The following PCDH9 variants were observed in gnomAD, a reference collection of about 807,000 sequenced individuals.
PCDH9 encodes protocadherin-9.
Under a neutral mutation model 70.6 loss-of-function variants are expected in PCDH9, and 24 were observed. That is an observed-to-expected ratio of 0.34 (90% confidence interval 0.25 to 0.48). PCDH9 has a LOEUF of 0.48. PCDH9 is among the 20% of genes least tolerant of loss of function. The probability of loss-of-function intolerance (pLI) is 0.99; values close to 1 mark genes in which losing one functional copy is unlikely to be tolerated. For synonymous variants in PCDH9, 562 were observed against 558.5 expected (o/e 1.01, Z -0.09); for missense variants, 1,281 against 1,503.6 (o/e 0.85, Z 2.45).
At chr13:66,762,381 C>G (rs967539507) in intron 3 of PCDH9, among the ~76,000 whole-genome samples, 7 of 152,084 alleles carry the variant, frequency 4.6e-5, no homozygotes, top group African/African-American at 1.7e-4. Flanking sequence ...ATTCAGAGTC[C>G]ATAGGTGTCT....
intron 2 of PCDH9, among the ~76,000 whole-genome samples, chr13:67,036,347 T>C (rs1338496655): frequency 2.0e-5 from 3 of 152,162 alleles, no homozygotes; most frequent in Non-Finnish European, 4.4e-5. Context: ...CAAATCTCTA[T>C]TCCTACATAA....
At chr13:66,962,433 T>C (rs190083150) in intron 2 of PCDH9, among the ~76,000 whole-genome samples, 1 of 152,244 alleles carries the variant, frequency 6.6e-6, no homozygotes, top group African/African-American at 2.4e-5. Flanking sequence ...TGATTAGAAC[T>C]GAGAAATGTG....
rs149858959 is a variant in PCDH9, at chr13:66,699,592, G to A, written c.3139-68181C>T. Among the ~76,000 whole-genome samples, 360 of 152,186 alleles carry A rather than the reference G, an allele frequency of 2.4e-3. 1 individual carries two copies. The highest frequency in any genetic ancestry group is 4.2e-3 in the Non-Finnish European group (287 of 67,994). ...GTGATGCCACCACAATCCAAGAAAC[G>A]CCATGGTTGGCCACAGCCACCAGAA... On this transcript the variant is annotated intron_variant, in intron 3 of 4. Transcript: ENST00000377865.
intron 4 of PCDH9, among the ~76,000 whole-genome samples, chr13:66,588,601 A>G (rs2076995947): frequency 6.6e-6 from 1 of 151,860 alleles, no homozygotes; most frequent in Non-Finnish European, 1.5e-5. Flanking sequence ...TGCACAAGGA[A>G]ATTTCTAAAT....
chr13:67,072,915 G>C (rs1466485697), intron 2 of PCDH9, among the ~76,000 whole-genome samples: 2 of 152,080 alleles, frequency 1.3e-5, no homozygotes, highest in Non-Finnish European at 2.9e-5. Flanking sequence ...GATTCTCAAA[G>C]GCTAACAAAT....
chr13:66,827,744 C>G (rs2080850556), intron 3 of PCDH9, among the ~76,000 whole-genome samples: 1 of 152,044 alleles, frequency 6.6e-6, no homozygotes, highest in Admixed American at 6.6e-5. Flanking sequence ...ATATTTTGCC[C>G]ACGATCAACT....
intron 4 of PCDH9, among the ~76,000 whole-genome samples, chr13:66,416,930 A>T (rs1346292040): frequency 1.3e-5 from 2 of 152,210 alleles, no homozygotes; most frequent in East Asian, 3.8e-4. Flanking sequence ...ATCCCAAGGA[A>T]TAAAAATGTT....
At chr13:66,874,104 C>A (rs1336739438) in intron 3 of PCDH9, among the ~76,000 whole-genome samples, 1 of 151,888 alleles carries the variant, frequency 6.6e-6, no homozygotes, top group South Asian at 2.1e-4. Context: ...CCATGTCCAG[C>A]TGATTTTTGT....
chr13:66,383,698 C>T (rs964700798), intron 4 of PCDH9, among the ~76,000 whole-genome samples: 2 of 152,272 alleles, frequency 1.3e-5, no homozygotes, highest in African/African-American at 2.4e-5. Flanking sequence ...TTTCTATACT[C>T]TCATTTTTCT....
chr13:66,761,567 G>A (rs573986945), intron 3 of PCDH9, among the ~76,000 whole-genome samples: 12 of 151,900 alleles, frequency 7.9e-5, no homozygotes, highest in African/African-American at 2.4e-4. Flanking sequence ...GACTCTATGA[G>A]TTTAAATAAC....
chr13:67,095,086 C>T (rs915850918), intron 2 of PCDH9, among the ~76,000 whole-genome samples: 2 of 151,796 alleles, frequency 1.3e-5, no homozygotes, highest in Non-Finnish European at 2.9e-5. Context: ...GACAAATATT[C>T]TTTCAAATCG....
chr13:66,795,042 T>C lies in PCDH9; in HGVS notation c.3138+108462A>G, dbSNP rs987559331. Among the ~76,000 whole-genome samples, 17 of 151,376 alleles carry C rather than the reference T, an allele frequency of 1.1e-4. No homozygotes were observed. In the East Asian group the frequency reaches 2.0e-3, roughly 17 times the overall value. ...ATGAAAAGGAGGAGATTGTGTTAAA[T>C]GCCAGCAAATACAGGGTAATAAAGT... On this transcript the variant is annotated intron_variant, in intron 3 of 4. Coordinates refer to ENST00000377865, the MANE Select transcript of PCDH9 (RefSeq NM_203487.3).
chr13:66,982,377 A>G (rs2083792127), intron 2 of PCDH9, among the ~76,000 whole-genome samples: 1 of 152,178 alleles, frequency 6.6e-6, no homozygotes, highest in African/African-American at 2.4e-5. Context: ...ACTATAAAAT[A>G]TATGTTTGCC....
chr13:67,144,695 A>G (rs1269977149), intron 2 of PCDH9, among the ~76,000 whole-genome samples: 1 of 152,136 alleles, frequency 6.6e-6, no homozygotes, highest in Non-Finnish European at 1.5e-5. Context: ...ATCAGATCCA[A>G]TGTTCTTAAT....
At chr13:66,676,669 C>A (rs576397603) in intron 3 of PCDH9, among the ~76,000 whole-genome samples, 114 of 152,052 alleles carry the variant, frequency 7.5e-4, no homozygotes, top group Non-Finnish European at 1.4e-3. Flanking sequence ...TACTGAAATT[C>A]AGGATTCATG....
At chr13:66,568,457 T>A in intron 4 of PCDH9, among the ~76,000 whole-genome samples, 2 of 146,248 alleles carry the variant, frequency 1.4e-5, no homozygotes, top group Admixed American at 7.0e-5. Flanking sequence ...ACACATACAC[T>A]GATAAACTGA....
At chr13:66,998,310 G>A (rs1409885986) in intron 2 of PCDH9, among the ~76,000 whole-genome samples, 2 of 152,182 alleles carry the variant, frequency 1.3e-5, no homozygotes, top group Non-Finnish European at 2.9e-5. Context: ...TAATAGCAAT[G>A]TGTCAACCAA....
At chr13:66,622,693 G>C (rs2077441521) in intron 4 of PCDH9, among the ~76,000 whole-genome samples, 1 of 152,198 alleles carries the variant, frequency 6.6e-6, no homozygotes, top group Non-Finnish European at 1.5e-5. Context: ...TCAGCGCCCT[G>C]TCAAAACAGA....
intron 4 of PCDH9, among the ~76,000 whole-genome samples, chr13:66,411,245 T>G (rs1278361724): frequency 6.6e-6 from 1 of 152,250 alleles, no homozygotes; most frequent in Non-Finnish European, 1.5e-5. Flanking sequence ...AAAATATTTT[T>G]GAATTTTTAA....
Sources: allele counts gnomAD v4.1 joint callset (sites outside exome capture counted in the v4.1 genomes callset), GRCh38; gene constraint gnomAD v4.1.1; transcripts MANE v1.5; gene names NCBI Gene and HGNC (gene_info 2026-07-23, HGNC 2026-07-21).